The following PRKN variants were observed in gnomAD, a reference collection of about 807,000 sequenced individuals.
PRKN encodes parkin RBR E3 ubiquitin protein ligase.
In PRKN, 56 loss-of-function variants were observed where a neutral mutation model predicts 59.5. That is an observed-to-expected ratio of 0.94 (90% confidence interval 0.76 to 1.18). PRKN has a LOEUF of 1.18. PRKN is among the 50% of genes most tolerant of loss of function. PRKN has a pLI of 0.00. For missense variants in PRKN, 657 were observed against 596.4 expected (o/e 1.10, Z -1.06); for synonymous variants, 250 against 222.1 (o/e 1.13, Z -1.12).
In PRKN at chr6:161,402,427, G is replaced by A. The variant is rs1002250918; in HGVS notation, c.1084-15550C>T. The stretch of plus-strand genomic sequence containing the variant: ...TCCCAGGGCGGCTGAGATAATGCGC[G>A]GATCTCAGGTGAGTCGAGGAAATGC... On this transcript the variant is annotated intron_variant, in intron 9 of 11. Coordinates refer to ENST00000366898, the MANE Select transcript of PRKN (RefSeq NM_004562.3). The surrounding 1 kb of genome is among the most constrained non-coding windows in gnomAD (Gnocchi z 4.5). Among the ~76,000 whole-genome samples, 3 of 152,100 alleles carry A rather than the reference G, an allele frequency of 2.0e-5. No homozygotes were observed. Among genetic ancestry groups the A allele is most frequent in the African/African-American group, 4.8e-5 (2 of 41,402 alleles).
chr6:161,728,444 G>T (rs931738971), intron 7 of PRKN, among the ~76,000 whole-genome samples: 1 of 152,114 alleles, frequency 6.6e-6, no homozygotes, highest in South Asian at 2.1e-4. Context: ...GACTCGCACT[G>T]CACCTGCCAA....
At chr6:161,615,031 T>C (rs906072503) in intron 7 of PRKN, among the ~76,000 whole-genome samples, 4 of 152,072 alleles carry the variant, frequency 2.6e-5, no homozygotes, top group Admixed American at 6.6e-5. Context: ...TATGAGATGC[T>C]GGAGTCTGAT....
chr6:161,761,339 T>C (rs62436114), intron 7 of PRKN, among the ~76,000 whole-genome samples: 1 of 73,532 alleles, frequency 1.4e-5, no homozygotes, highest in African/African-American at 4.9e-5. Context: ...GGATGGATGA[T>C]GGATGAATGG....
At chr6:162,014,354 G>T (rs1782851192) in intron 5 of PRKN, among the ~76,000 whole-genome samples, 1 of 152,134 alleles carries the variant, frequency 6.6e-6, no homozygotes, top group Admixed American at 6.5e-5. Context: ...TACTCACACT[G>T]CTACATACCT....
intron 5 of PRKN, among the ~76,000 whole-genome samples, chr6:162,031,543 T>TC (rs1349089452): frequency 6.6e-6 from 1 of 151,642 alleles, no homozygotes; most frequent in African/African-American, 2.4e-5. Context: ...TTTTTCTTTT[T>TC]TTTTTTTTTG....
chr6:162,543,884 G>C (rs575814741), intron 1 of PRKN, among the ~76,000 whole-genome samples: 3 of 152,292 alleles, frequency 2.0e-5, no homozygotes, highest in Non-Finnish European at 1.5e-5. Flanking sequence ...AGGGGCCAAT[G>C]AGAAGAGAGC....
chr6:162,342,636 G>A (rs1025061779), intron 2 of PRKN, among the ~76,000 whole-genome samples: 8 of 152,046 alleles, frequency 5.3e-5, no homozygotes, highest in African/African-American at 1.9e-4. Context: ...AGTGTGCTAG[G>A]GAGGGAAGAA....
intron 6 of PRKN, 63 bp downstream of exon 6, chr6:161,973,239 T>C: frequency 9.7e-7 from 1 of 1,028,298 alleles, no homozygotes; most frequent in Non-Finnish European, 1.5e-6. Flanking sequence ...GGGGGAGTGA[T>C]GCTATTTTTA....
intron 1 of PRKN, among the ~76,000 whole-genome samples, chr6:162,452,100 A>C (rs995008344): frequency 3.3e-5 from 5 of 152,208 alleles, no homozygotes; most frequent in Non-Finnish European, 7.4e-5. Context: ...CAGTTCAGGA[A>C]GAAAACAAAA....
In PRKN at chr6:161,533,827, G is replaced by T. The variant is rs541453145; in HGVS notation, c.1083+15027C>A. 1.1e-4 allele frequency among the ~76,000 whole-genome samples: 17 copies of T among 151,954 alleles called. No homozygotes were observed. The highest frequency in any genetic ancestry group is 4.1e-4 in the African/African-American group (17 of 41,372). On this transcript the variant is annotated intron_variant, in intron 9 of 11. Coordinates refer to ENST00000366898, the MANE Select transcript of PRKN (RefSeq NM_004562.3). The surrounding 1 kb of genome is among the most constrained non-coding windows in gnomAD (Gnocchi z 4.1). ...TCTGTGTACTTAATTTTCTTGGCGT[G>T]AGATAAGGAACCCTGGGGATTTACC... is the stretch of plus-strand genomic sequence containing the variant.
chr6:162,445,972 G>A (rs903316213), intron 1 of PRKN, among the ~76,000 whole-genome samples: 28 of 152,108 alleles, frequency 1.8e-4, no homozygotes, highest in African/African-American at 5.3e-4. Flanking sequence ...TGACCAGCAC[G>A]GAAAGTGTTT....
At chr6:161,474,301 T>A (rs561765165) in intron 9 of PRKN, among the ~76,000 whole-genome samples, 1 of 152,294 alleles carries the variant, frequency 6.6e-6, no homozygotes, top group East Asian at 1.9e-4. Context: ...CCATAGTTAT[T>A]CTCCTTCATC....
intron 2 of PRKN, among the ~76,000 whole-genome samples, chr6:162,270,457 CCACT>C (rs1780326191): frequency 6.6e-6 from 1 of 152,074 alleles, no homozygotes; most frequent in Non-Finnish European, 1.5e-5. Flanking sequence ...TCACAAATCA[CCACT>C]AACTAACTTA....
At chr6:162,282,859 T>C (rs1484814121) in intron 2 of PRKN, among the ~76,000 whole-genome samples, 1 of 152,166 alleles carries the variant, frequency 6.6e-6, no homozygotes, top group African/African-American at 2.4e-5. Context: ...AGAGAGGAAT[T>C]TGAATGTTTC....
At chr6:162,273,212 T>G (rs138340483) in intron 2 of PRKN, among the ~76,000 whole-genome samples, 17 of 152,110 alleles carry the variant, frequency 1.1e-4, no homozygotes, top group African/African-American at 3.6e-4. Context: ...TCGAAGTTAG[T>G]GAAAATGGTT....
chr6:162,249,418 C>T (rs564078650), intron 3 of PRKN, among the ~76,000 whole-genome samples: 48 of 152,230 alleles, frequency 3.2e-4, no homozygotes, highest in African/African-American at 1.1e-3. Context: ...CACAGCGGCA[C>T]GCTAGTCCGG....
At chr6:161,587,626 TTCC>T (rs893621160) in intron 7 of PRKN, among the ~76,000 whole-genome samples, 3 of 152,184 alleles carry the variant, frequency 2.0e-5, no homozygotes, top group African/African-American at 7.2e-5. Flanking sequence ...ATGAGTTTCA[TTCC>T]TGCTTTTTTT....
chr6:162,259,458 C>T (rs778184814), intron 3 of PRKN, among the ~76,000 whole-genome samples: 3 of 152,042 alleles, frequency 2.0e-5, no homozygotes, highest in Non-Finnish European at 4.4e-5. Context: ...TTTTTTTTCT[C>T]GCCATTCTGG....
At chr6:162,690,362 A>T (rs565901203) in intron 1 of PRKN, among the ~76,000 whole-genome samples, 1 of 152,322 alleles carries the variant, frequency 6.6e-6, no homozygotes, top group South Asian at 2.1e-4. Context: ...CTGCTGTTCA[A>T]ACTCAAGCAA....
Sources: gnomAD v4.1 joint callset for allele counts (sites outside exome capture counted in the v4.1 genomes callset) on GRCh38, gnomAD v4.1.1 for gene constraint, Gnocchi (gnomAD v3.1) non-coding constraint, MANE v1.5 for transcripts, NCBI Gene and HGNC (gene_info 2026-07-23, HGNC 2026-07-21) for gene names.